Variants in NRG1 observed in about 807,000 individuals in gnomAD.
NRG1 encodes the protein neuregulin 1.
Under a neutral mutation model 63.8 loss-of-function variants are expected in NRG1, and 18 were observed. The ratio of observed to expected loss-of-function variants is 0.28; its 90% CI spans 0.19 to 0.42. NRG1 has a LOEUF of 0.42. NRG1 is among the 10% of genes least tolerant of loss of function. NRG1 has a pLI of 1.00. For synonymous variants in NRG1, 302 were observed against 301.3 expected, an observed-to-expected ratio of 1.00 and a Z score of -0.02; for missense variants, 762 against 814.7, an observed-to-expected ratio of 0.94 and a Z score of 0.79.
chr8:32,548,514 C>A, exon 1 of NRG1: 2 of 1,238,290 alleles, frequency 1.6e-6, no homozygotes, highest in Non-Finnish European at 2.0e-6. Flanking sequence ...AGAGCCAGGG[C>A]GAGCGCCCGT....
At position 32,361,714 on chromosome 8, in the gene NRG1, T is replaced by A. The variant is rs7839484; in HGVS notation, c.38-234114T>A. ...TTGAGACAGCTGCTGCATCCATCTA[T>A]GTTCATTGCTCAAACTTCCTGTATG... On this transcript the variant is annotated intron_variant, in intron 1 of 10. Transcript: ENST00000519301. Among the ~76,000 whole-genome samples the A allele has an allele frequency of 2.2e-3, 328 of 152,292 alleles. 2 individuals are homozygous for A. The highest frequency in any genetic ancestry group is 7.7e-3 in the African/African-American group (322 of 41,568).
intron 1 of NRG1, among the ~76,000 whole-genome samples, chr8:32,319,235 G>A (rs1372147101): frequency 6.6e-6 from 1 of 152,084 alleles, no homozygotes; most frequent in East Asian, 1.9e-4. Context: ...TATTTGCAGG[G>A]GTGTTGATGG....
At chr8:32,397,137 T>A (rs1812534820) in intron 1 of NRG1, among the ~76,000 whole-genome samples, 1 of 152,248 alleles carries the variant, frequency 6.6e-6, no homozygotes, top group East Asian at 1.9e-4. Context: ...GATAGATAGG[T>A]AGATAGATAC....
intron 1 of NRG1, among the ~76,000 whole-genome samples, chr8:31,652,647 A>G (rs1804966477): frequency 6.6e-6 from 1 of 152,134 alleles, no homozygotes; most frequent in African/African-American, 2.4e-5. Context: ...TGTTTGTTGT[A>G]CTGTCACTAC....
At chr8:31,949,174 C>A (rs534326149) in intron 1 of NRG1, among the ~76,000 whole-genome samples, 1 of 152,196 alleles carries the variant, frequency 6.6e-6, no homozygotes, top group African/African-American at 2.4e-5. Flanking sequence ...AAGCACTTCA[C>A]ACATGTTATT....
chr8:32,187,377 T>C (rs1156878508), intron 1 of NRG1, among the ~76,000 whole-genome samples: 1 of 152,154 alleles, frequency 6.6e-6, no homozygotes, highest in African/African-American at 2.4e-5. Context: ...GGAGAGCCCT[T>C]TCCTTATGAC....
At chr8:32,713,005 C>T (rs7830011) in intron 5 of NRG1, among the ~76,000 whole-genome samples, 2,931 of 152,254 alleles carry the variant, frequency 0.019, 94 homozygotes, top group African/African-American at 0.066. Context: ...GAGCCTGAAG[C>T]ACTGATCCCA....
chr8:32,241,031 G>A (rs974614752), intron 1 of NRG1, among the ~76,000 whole-genome samples: 3 of 152,008 alleles, frequency 2.0e-5, no homozygotes, highest in East Asian at 1.9e-4. Flanking sequence ...ACTCTGGAGC[G>A]ATTATGTGAA....
intron 1 of NRG1, among the ~76,000 whole-genome samples, chr8:32,412,463 T>TATATATATATATATATAC (rs1563428983): frequency 8.7e-6 from 1 of 115,236 alleles, no homozygotes; most frequent in Non-Finnish European, 1.9e-5. Flanking sequence ...CATATATATA[T>TATATATATATATATATAC]ATATATATAT....
At chr8:31,871,534 C>T (rs1200476443) in intron 1 of NRG1, among the ~76,000 whole-genome samples, 1 of 152,052 alleles carries the variant, frequency 6.6e-6, no homozygotes, top group Admixed American at 6.6e-5. Context: ...AGGGTCACTC[C>T]ACCATGTGGG....
intron 1 of NRG1, among the ~76,000 whole-genome samples, chr8:32,467,111 G>T (rs573538718): frequency 1.3e-5 from 2 of 152,124 alleles, no homozygotes; most frequent in South Asian, 4.1e-4. Flanking sequence ...TTCAGATATA[G>T]AATTTGCAAG....
At chr8:32,581,790 C>T (rs1270077958) in intron 1 of NRG1, among the ~76,000 whole-genome samples, 1 of 152,086 alleles carries the variant, frequency 6.6e-6, no homozygotes, top group Non-Finnish European at 1.5e-5. Flanking sequence ...TCTCCTATAC[C>T]CTTTATTCAG....
chr8:32,352,743 T>C (rs942845138), intron 1 of NRG1, among the ~76,000 whole-genome samples: 6 of 151,994 alleles, frequency 3.9e-5, no homozygotes, highest in Non-Finnish European at 8.8e-5. Flanking sequence ...TAGCTGGGCA[T>C]GGTGGCATGC....
downstream of NRG1, among the ~76,000 whole-genome samples, chr8:32,772,032 A>AAT (rs1831842456): frequency 2.3e-4 from 3 of 13,054 alleles, no homozygotes; most frequent in Non-Finnish European, 7.7e-4. Context: ...TCAAAAAAAA[A>AAT]AAAAATATGT....
intron 5 of NRG1, among the ~76,000 whole-genome samples, chr8:32,712,581 T>C (rs1326529922): frequency 6.6e-6 from 1 of 152,182 alleles, no homozygotes. Context: ...TCAGTACAGA[T>C]CCATGTTAAC....
In NRG1 at chr8:31,791,115, G is replaced by A. The variant is rs371068114; in HGVS notation, c.37+151684G>A. 1.8e-3 allele frequency among the ~76,000 whole-genome samples: 279 copies of A among 150,942 alleles called. 2 individuals carry two copies. The highest frequency in any genetic ancestry group is 6.3e-3 in the African/African-American group (259 of 40,944). On this transcript the variant is annotated intron_variant, in intron 1 of 10. Transcript: ENST00000519301. ...TCCCAGCTACCGGGAAGGCTGAGGC[G>A]CAAGAATCCATTGAGCCTGGGAGGT...
At chr8:31,976,419 AG>A (rs1206260608) in intron 1 of NRG1, among the ~76,000 whole-genome samples, 1 of 152,122 alleles carries the variant, frequency 6.6e-6, no homozygotes, top group Non-Finnish European at 1.5e-5. Context: ...TTCTGACAAG[AG>A]TTCAGTGACA....
At chr8:31,670,988 T>C (rs1807079161) in intron 1 of NRG1, among the ~76,000 whole-genome samples, 1 of 152,178 alleles carries the variant, frequency 6.6e-6, no homozygotes. Context: ...TCCCAGTGTC[T>C]ATTGTTCCCA....
Position 31,846,690 on chromosome 8 carries a change from T to A in NRG1, c.37+207259T>A, listed in dbSNP as rs1186615665. On this transcript the variant is annotated intron_variant, in intron 1 of 10. Transcript: ENST00000519301. ...GCACACAATGCTGTAGGAATTCCAA[T>A]GAAATTCACCCTCATCTTTCATTGT... 7.9e-5 allele frequency among the ~76,000 whole-genome samples: 12 copies of A among 152,292 alleles called. No homozygotes were observed. In the East Asian group the frequency reaches 2.3e-3, roughly 29 times the overall value.
Sources: allele counts gnomAD v4.1 joint callset (sites outside exome capture counted in the v4.1 genomes callset), GRCh38; gene constraint gnomAD v4.1.1; transcripts MANE v1.5; gene names NCBI Gene and HGNC (gene_info 2026-07-23, HGNC 2026-07-21).